Variants in CPEB3 observed in about 807,000 individuals in gnomAD.
CPEB3 encodes the protein cytoplasmic polyadenylation element binding protein 3.
A neutral mutation model predicts 67.2 loss-of-function variants in CPEB3; 20 were observed. That is an observed-to-expected ratio of 0.30 (90% CI 0.21 to 0.43). The LOEUF is 0.43. Among genes scored for constraint, CPEB3 ranks in the 20% least tolerant of loss-of-function variants. The probability of loss-of-function intolerance (pLI) is 1.00; values close to 1 mark genes in which losing one functional copy is unlikely to be tolerated. For synonymous variants in CPEB3, 376 were observed against 393.1 expected, an observed-to-expected ratio of 0.96 and a Z score of 0.51; for missense variants, 746 against 968.6, an observed-to-expected ratio of 0.77 and a Z score of 3.05.
At chr10:92,191,985 G>C (rs1330009130) in intron 3 of CPEB3, among the ~76,000 whole-genome samples, 1 of 152,006 alleles carries the variant, frequency 6.6e-6, no homozygotes, top group Non-Finnish European at 1.5e-5. Flanking sequence ...GACTGCAAAG[G>C]GTCACTAGCT....
Position 92,250,779 on chromosome 10 carries a change from TC to T in CPEB3, c.-11-10419del, listed in dbSNP as rs762787069. ...ATTGCGGCTCACTGCAACCTCCACCTCCCAGGTTCAAGCAATTCTCATGGCT... is the reference window on the plus strand; with the variant it reads ...ATTGCGGCTCACTGCAACCTCCACCTCCAGGTTCAAGCAATTCTCATGGCT... On this transcript the variant is annotated intron_variant, in intron 1 of 9. Coordinates refer to ENST00000265997, the MANE Select transcript of CPEB3 (RefSeq NM_014912.5). Among the ~76,000 whole-genome samples the T allele has an allele frequency of 4.6e-5, 7 of 150,996 alleles. No individual in the cohort carries two copies. The East Asian group carries it at 9.7e-4, about 21-fold the overall frequency.
chr10:92,098,209 A>T (rs981261801), intron 7 of CPEB3, among the ~76,000 whole-genome samples: 1 of 137,270 alleles, frequency 7.3e-6, no homozygotes, highest in Non-Finnish European at 1.5e-5. Flanking sequence ...AATCTGTTCA[A>T]TGTTGTTTAA....
intron 1 of CPEB3, among the ~76,000 whole-genome samples, chr10:92,257,338 A>T (rs1370916834): frequency 6.6e-6 from 1 of 152,218 alleles, no homozygotes; most frequent in East Asian, 1.9e-4. Context: ...TCTGTCTCCC[A>T]GGTTGGAGTG....
At chr10:92,183,191 A>G (rs1415076427) in intron 3 of CPEB3, among the ~76,000 whole-genome samples, 1 of 152,150 alleles carries the variant, frequency 6.6e-6, no homozygotes, top group Non-Finnish European at 1.5e-5. Flanking sequence ...AGAACCATCT[A>G]TTTTTTATAG....
At chr10:92,229,797 C>G (rs1000772688) in intron 2 of CPEB3, among the ~76,000 whole-genome samples, 1 of 152,220 alleles carries the variant, frequency 6.6e-6, no homozygotes, top group Non-Finnish European at 1.5e-5. Context: ...ATAATCCCAA[C>G]ACTTTGGGAG....
At chr10:92,252,387 T>C (rs1852338902) in intron 1 of CPEB3, among the ~76,000 whole-genome samples, 1 of 152,144 alleles carries the variant, frequency 6.6e-6, no homozygotes, top group Non-Finnish European at 1.5e-5. Flanking sequence ...CATTTAGCAG[T>C]GTCTATTAAA....
Position 92,057,673 on chromosome 10 carries a change from G to A in CPEB3, c.1870-5234C>T, listed in dbSNP as rs578054129. Reference sequence around the variant, plus strand: ...GCCAGTACTGTGCCGGCTTCAGGTCGGACACAGCACAGTCAGAGTGGTGGT... The same window carrying A: ...GCCAGTACTGTGCCGGCTTCAGGTCAGACACAGCACAGTCAGAGTGGTGGT... On this transcript the variant is annotated intron_variant, in intron 9 of 9. Transcript: ENST00000265997. Among the ~76,000 whole-genome samples, 8 of 152,214 alleles carry A rather than the reference G, an allele frequency of 5.3e-5. No homozygotes were observed. The South Asian group carries it at 8.3e-4, about 16-fold the overall frequency.
At chr10:92,200,545 CAAAAAAAAAAA>C (rs57165866) in intron 2 of CPEB3, among the ~76,000 whole-genome samples, 2 of 54,548 alleles carry the variant, frequency 3.7e-5, no homozygotes, top group East Asian at 6.9e-4. Context: ...AACTCCGTCT[CAAAAAAAAAAA>C]AAAAAAAAAA....
intron 2 of CPEB3, among the ~76,000 whole-genome samples, chr10:92,205,356 T>G (rs1849731097): frequency 6.6e-6 from 1 of 152,186 alleles, no homozygotes; most frequent in African/African-American, 2.4e-5. Context: ...TGCCAGACCC[T>G]GTGCTGATGA....
chr10:92,172,771 TG>T (rs1379428086), intron 4 of CPEB3, among the ~76,000 whole-genome samples: 1 of 152,216 alleles, frequency 6.6e-6, no homozygotes, highest in East Asian at 1.9e-4. Context: ...AAAATAGTCC[TG>T]GGGTAAAGTT....
chr10:92,245,197 G>A (rs1002997161), intron 1 of CPEB3, among the ~76,000 whole-genome samples: 1 of 148,346 alleles, frequency 6.7e-6, no homozygotes, highest in African/African-American at 2.5e-5. Context: ...GAGTGCAGTG[G>A]TGTGATCTCG....
intron 7 of CPEB3, 78 bp from the exon 8 acceptor site, chr10:92,092,022 C>G: frequency 1.1e-6 from 1 of 873,860 alleles, no homozygotes; most frequent in Admixed American, 2.1e-5. Context: ...AAAGACAAAC[C>G]CACTGATTTG....
chr10:92,239,825 CCGGCTGCGGCGCGGGCGCAGGCGGCGG>C lies in CPEB3; in HGVS notation c.499_525del (p.Pro167_Pro175del), dbSNP rs776899361. The C allele has an allele frequency of 2.2e-5, 32 of 1,466,860 alleles. No homozygotes were observed. In the East Asian group the frequency reaches 8.3e-4, roughly 38 times the overall value. The allele number at this position is 1,466,860 out of a possible 1,614,324, so 90.9% of individuals were successfully genotyped here. A position where few individuals can be genotyped will look rare whatever the true frequency, so the allele number is the denominator to read the frequency against. On this transcript the variant is annotated inframe_deletion, in exon 2 of 10. Transcript: ENST00000265997. The surrounding 1 kb of genome is among the most constrained non-coding windows in gnomAD (Gnocchi z 6.0). ...GCCTGTGGTGGCTGCGCTGGCTGTG[CCGGCTGCGGCGCGGGCGCAGGCGGCGG>C]CGGCTGCTGGTGGTGCTGGGTCTGC...
At chr10:92,096,412 ACAACTGTATAGGG>A (rs1843882787) in intron 7 of CPEB3, among the ~76,000 whole-genome samples, 1 of 152,090 alleles carries the variant, frequency 6.6e-6, no homozygotes, top group African/African-American at 2.4e-5. Context: ...AAACCTAGGA[ACAACTGTATAGGG>A]CTAACTCTGT....
rs552792982 is a variant in CPEB3, at chr10:92,238,949, T to C, written c.1005+397A>G. On this transcript the variant is annotated intron_variant, in intron 2 of 9. Coordinates refer to ENST00000265997, the MANE Select transcript of CPEB3 (RefSeq NM_014912.5). ...TGCAGGCGGCACCCTGAGCTCAGGA[T>C]TGCATAACCTGAAATGTGTAGCTAC... is the stretch of plus-strand genomic sequence containing the variant. 2.0e-5 allele frequency among the ~76,000 whole-genome samples: 3 copies of C among 152,274 alleles called. No individual in the cohort carries two copies. In the South Asian group the frequency reaches 6.2e-4, roughly 32 times the overall value.
intron 1 of CPEB3, among the ~76,000 whole-genome samples, chr10:92,289,845 A>AAT (rs1842757239): frequency 7.5e-6 from 1 of 133,810 alleles, no homozygotes; most frequent in Non-Finnish European, 1.5e-5. Flanking sequence ...ATATAATACA[A>AAT]ATATATATAA....
intron 2 of CPEB3, among the ~76,000 whole-genome samples, chr10:92,205,696 C>A (rs1361150198): frequency 6.6e-6 from 1 of 151,740 alleles, no homozygotes; most frequent in Admixed American, 6.6e-5. Flanking sequence ...AGGCTGGTCT[C>A]GAACTCCTGA....
chr10:92,196,931 CAA>C (rs111973111), intron 2 of CPEB3, among the ~76,000 whole-genome samples: 13 of 124,934 alleles, frequency 1.0e-4, no homozygotes, highest in Non-Finnish European at 8.6e-5. Flanking sequence ...GACCCCATCT[CAA>C]AAAAAAAAAA....
At chr10:92,092,154 A>G (rs1843645598) in intron 7 of CPEB3, among the ~76,000 whole-genome samples, 1 of 152,210 alleles carries the variant, frequency 6.6e-6, no homozygotes, top group Admixed American at 6.5e-5. Context: ...TCAGCACTCT[A>G]GACATATGAC....
Sources: allele counts gnomAD v4.1 joint callset (sites outside exome capture counted in the v4.1 genomes callset), GRCh38; gene constraint gnomAD v4.1.1; non-coding constraint Gnocchi (gnomAD v3.1); transcripts MANE v1.5; gene names NCBI Gene and HGNC (gene_info 2026-07-23, HGNC 2026-07-21).